PKDCC: variants seen among roughly 807,000 people sequenced by gnomAD.
PKDCC encodes the protein extracellular tyrosine-protein kinase PKDCC.
A neutral mutation model predicts 44.7 loss-of-function variants in PKDCC; 35 were observed. The ratio of observed to expected loss-of-function variants is 0.78; its 90% CI spans 0.60 to 1.04. PKDCC has a LOEUF of 1.04. PKDCC is among the 50% of genes least tolerant of loss of function. PKDCC has a pLI of 0.00. For missense variants in PKDCC, 738 were observed against 672.7 expected, an observed-to-expected ratio of 1.10 and a Z score of -1.07; for synonymous variants, 353 against 303.3, an observed-to-expected ratio of 1.16 and a Z score of -1.70.
chr2:42,054,422 A>G lies in PKDCC; in HGVS notation c.1034+115A>G, dbSNP rs1473411717. On this transcript the variant is annotated intron_variant, in intron 3 of 6. Coordinates refer to ENST00000294964, the MANE Select transcript of PKDCC (RefSeq NM_138370.3). This position sits in a 1 kb window ranked among gnomAD's most constrained non-coding sequence, Gnocchi z 6.1. The stretch of plus-strand genomic sequence containing the variant: ...GGCAGGGAGACTCAGCCTTGACCAG[A>G]GCAAGGGAAGGCTTCTACCCTGTCC... 2 of 1,267,798 alleles carry G rather than the reference A, an allele frequency of 1.6e-6. No homozygotes were observed. Among genetic ancestry groups the G allele is most frequent in the East Asian group, 5.1e-5 (2 of 39,360 alleles). The allele number at this position is 1,267,798 out of a possible 1,614,324, so 78.5% of individuals were successfully genotyped here.
At position 42,057,667 on chromosome 2, in the gene PKDCC, A is replaced by G; in HGVS notation, c.1461A>G (p.Thr487=). ...SQVVPDPNKT[T]YVKASG is the part of the protein sequence containing the mutation. The stretch of plus-strand genomic sequence containing the variant: ...TGGTCCCTGATCCCAACAAGACCAC[A>G]TATGTGAAGGCCTCTGGCTGACCTA... Residue 487 remains threonine, a synonymous_variant, in exon 7 of 7, where the codon ACA becomes ACG. Coordinates refer to ENST00000294964, the MANE Select transcript of PKDCC (RefSeq NM_138370.3). The G allele has an allele frequency of 6.2e-7, 1 of 1,614,002 alleles. No individual in the cohort carries two copies. Among genetic ancestry groups the G allele is most frequent in the Non-Finnish European group, 8.5e-7 (1 of 1,179,980 alleles).
In PKDCC at chr2:42,048,527, G is replaced by A. The variant is rs1667910733; in HGVS notation, c.328G>A (p.Asp110Asn). The A allele has an allele frequency of 4.1e-6, 5 of 1,216,106 alleles. No individual in the cohort carries two copies. The highest frequency in any genetic ancestry group is 4.1e-6 in the Non-Finnish European group (4 of 982,642). The allele number at this position is 1,216,106 out of a possible 1,614,324, so 75.3% of individuals were successfully genotyped here. Reference sequence around the variant, plus strand: ...GCCCCCTTGGGCCCGGCCCCTGTCCGACGGCGCCCCAGGCTGGCCCCCGGC... The same window carrying A: ...GCCCCCTTGGGCCCGGCCCCTGTCCAACGGCGCCCCAGGCTGGCCCCCGGC... ...PRPPWARPLS[D>N]GAPGWPPAPG... The change falls in exon 1 of 7, where the codon GAC becomes AAC. Residue 110 changes from aspartate to asparagine, a missense_variant. Coordinates refer to ENST00000294964, the MANE Select transcript of PKDCC (RefSeq NM_138370.3). The surrounding 1 kb of genome is among the most constrained non-coding windows in gnomAD (Gnocchi z 6.2).
In PKDCC at chr2:42,057,238, G is replaced by C. The variant is rs773853665; in HGVS notation, c.1240G>C (p.Asp414His). The change falls in exon 6 of 7, where the codon GAC becomes CAC. Residue 414 changes from aspartate to histidine, a missense_variant. Physicochemically the swap from Asp to His is moderately conservative, Grantham distance 81. Coordinates refer to ENST00000294964, the MANE Select transcript of PKDCC (RefSeq NM_138370.3). Reference sequence around the variant, plus strand: ...ACCCACAGAGTACCAGTGTATCCCAGACAGCACCATCCCCCAGGAAGACTA... The same window carrying C: ...ACCCACAGAGTACCAGTGTATCCCACACAGCACCATCCCCCAGGAAGACTA... Reference protein sequence around the residue: ...SSSTEYQCIPDSTIPQEDYRC... With the variant: ...SSSTEYQCIPHSTIPQEDYRC... The C allele has an allele frequency of 6.2e-7, 1 of 1,614,052 alleles. No individual in the cohort carries two copies. Among genetic ancestry groups the C allele is most frequent in the Non-Finnish European group, 8.5e-7 (1 of 1,180,018 alleles).
rs553931520 is a variant in PKDCC at position 42,052,497 on chromosome 2, C to T, written c.640-742C>T. Among the ~76,000 whole-genome samples the T allele has an allele frequency of 2.6e-5, 4 of 152,210 alleles. No individual in the cohort carries two copies. In the South Asian group the frequency reaches 8.3e-4, roughly 32 times the overall value. On this transcript the variant is annotated intron_variant, in intron 1 of 6. Transcript: ENST00000294964. The surrounding 1 kb of genome is among the most constrained non-coding windows in gnomAD (Gnocchi z 4.3). ...GGCGCAGTGGCTCACGCCTGTAATC[C>T]CAACATTTTGGGAGGCCAAGGTAGG...
intron 1 of PKDCC, 73 bp from the exon 2 acceptor site, chr2:42,053,166 A>G (rs1572761180): frequency 2.2e-5 from 27 of 1,249,878 alleles, no homozygotes; most frequent in South Asian, 4.2e-5. Flanking sequence ...GAGAGGGGGA[A>G]CCTGACAGTC....
In PKDCC at chr2:42,054,869, C is replaced by A. The variant is rs1668026924; in HGVS notation, c.1035-72C>A. ...TCCCTGGCCAGGTTAGCGTTCTGCCCCAGGTTGGAATAGAGGAAGGATGTG... is the reference window on the plus strand; with the variant it reads ...TCCCTGGCCAGGTTAGCGTTCTGCCACAGGTTGGAATAGAGGAAGGATGTG... On this transcript the variant is annotated intron_variant, in intron 3 of 6. Transcript: ENST00000294964. The surrounding 1 kb of genome is among the most constrained non-coding windows in gnomAD (Gnocchi z 6.1). 1.4e-6 allele frequency: 2 copies of A among 1,418,530 alleles called. No individual in the cohort carries two copies. The highest frequency in any genetic ancestry group is 1.7e-5 in the Admixed American group (1 of 59,680). 87.9% of individuals were successfully genotyped at this position (1,418,530 alleles called of 1,614,324 possible). A position where few individuals can be genotyped will look rare whatever the true frequency, so the allele number is the denominator to read the frequency against.
chr2:42,055,736 C>T lies in PKDCC; in HGVS notation c.1222+343C>T, dbSNP rs1668043471. 1 of 222,714 alleles carries T rather than the reference C, an allele frequency of 4.5e-6. No individual in the cohort carries two copies. The highest frequency in any genetic ancestry group is 8.8e-6 in the Non-Finnish European group (1 of 113,014). The allele number at this position is 222,714 out of a possible 1,614,324, so 13.8% of individuals were successfully genotyped here. A position where few individuals can be genotyped will look rare whatever the true frequency, so the allele number is the denominator to read the frequency against. On this transcript the variant is annotated intron_variant, in intron 5 of 6. Transcript: ENST00000294964. The surrounding 1 kb of genome is among the most constrained non-coding windows in gnomAD (Gnocchi z 4.5). Reference sequence around the variant, plus strand: ...ATCTGTGAATTGGGTTCACTATTACCCACCTCACCAAATTCTTATGGGAAT... The same window carrying T: ...ATCTGTGAATTGGGTTCACTATTACTCACCTCACCAAATTCTTATGGGAAT...
Position 42,048,844 on chromosome 2 carries a change from A to T in PKDCC, c.639+6A>T, listed in dbSNP as rs1414657667. On this transcript the variant is annotated splice_donor_region_variant and intron_variant, in intron 1 of 6. Coordinates refer to ENST00000294964, the MANE Select transcript of PKDCC (RefSeq NM_138370.3). This position sits in a 1 kb window ranked among gnomAD's most constrained non-coding sequence, Gnocchi z 6.2. ...GGCACCCCAACGTGCTGCAGGTACG[A>T]GGGTGGGGACGCGGGGGTAACGGTG... 1 of 1,456,710 alleles carries T rather than the reference A, an allele frequency of 6.9e-7. No homozygotes were observed. Among genetic ancestry groups the T allele is most frequent in the South Asian group, 1.4e-5 (1 of 70,494 alleles). 90.2% of individuals were successfully genotyped at this position (1,456,710 alleles called of 1,614,324 possible).
Position 42,048,280 on chromosome 2 carries a change from T to C in PKDCC, c.81T>C (p.Ala27=). ...LLGSVLNVLF[A]PGSEPPRPGQ... ...GCTCCGTCCTCAACGTGCTCTTCGC[T>C]CCGGGCTCGGAGCCTCCGAGGCCAG... Residue 27 remains alanine, a synonymous_variant, in exon 1 of 7, where the codon GCT becomes GCC. Coordinates refer to ENST00000294964, the MANE Select transcript of PKDCC (RefSeq NM_138370.3). This position sits in a 1 kb window ranked among gnomAD's most constrained non-coding sequence, Gnocchi z 6.2. The C allele has an allele frequency of 1.6e-6, 2 of 1,276,388 alleles. No individual in the cohort carries two copies. Among genetic ancestry groups the C allele is most frequent in the South Asian group, 3.8e-5 (2 of 51,988 alleles). 79.1% of individuals were successfully genotyped at this position (1,276,388 alleles called of 1,614,324 possible).
Position 42,052,720 on chromosome 2 carries a change from C to T in PKDCC, c.640-519C>T, listed in dbSNP as rs1213736798. 6.8e-6 allele frequency among the ~76,000 whole-genome samples: 1 copy of T among 146,280 alleles called. No homozygotes were observed. The highest frequency in any genetic ancestry group is 1.5e-5 in the Non-Finnish European group (1 of 66,890). ...TCATGCCACTGCACTCCAGCCTGGGCAACAGAGCGAGGCTGTCTCAAAAAA... is the reference window on the plus strand; with the variant it reads ...TCATGCCACTGCACTCCAGCCTGGGTAACAGAGCGAGGCTGTCTCAAAAAA... On this transcript the variant is annotated intron_variant, in intron 1 of 6. Coordinates refer to ENST00000294964, the MANE Select transcript of PKDCC (RefSeq NM_138370.3). This position sits in a 1 kb window ranked among gnomAD's most constrained non-coding sequence, Gnocchi z 4.3.
At chr2:42,050,721 C>T (rs1375732406) in intron 1 of PKDCC, among the ~76,000 whole-genome samples, 1 of 152,150 alleles carries the variant, frequency 6.6e-6, no homozygotes, top group Non-Finnish European at 1.5e-5. Context: ...GGCCCCAGGG[C>T]ACAAGGGTTG....
intron 5 of PKDCC, among the ~76,000 whole-genome samples, chr2:42,056,378 C>G (rs752883330): frequency 3.9e-5 from 6 of 152,204 alleles, no homozygotes; most frequent in Non-Finnish European, 5.9e-5. Context: ...CTCCAGCCCC[C>G]TCCCCACTCT....
In PKDCC at chr2:42,055,074, C is replaced by T. The variant is rs571572829; in HGVS notation, c.1114+54C>T. On this transcript the variant is annotated intron_variant, in intron 4 of 6. Coordinates refer to ENST00000294964, the MANE Select transcript of PKDCC (RefSeq NM_138370.3). This position sits in a 1 kb window ranked among gnomAD's most constrained non-coding sequence, Gnocchi z 4.5. ...AGGCACCTACCCCACCCCCACCCGC[C>T]AGCAAAAGTGGGGAGAAAAATAACC... The T allele has an allele frequency of 3.4e-5, 53 of 1,540,702 alleles. No homozygotes were observed. The Middle Eastern group carries it at 8.5e-4, about 25-fold the overall frequency.
rs1427913142 is a variant in PKDCC at position 42,054,703 on chromosome 2, C to T, written c.1035-238C>T. ...ATGTGGGGCTGGGAGGTGGGCAAGT[C>T]CTGGGAAGGGTTGGGAAGCAGGCCC... On this transcript the variant is annotated intron_variant, in intron 3 of 6. Transcript: ENST00000294964. The surrounding 1 kb of genome is among the most constrained non-coding windows in gnomAD (Gnocchi z 6.1). The T allele has an allele frequency of 1.7e-6, 1 of 582,494 alleles. No homozygotes were observed. The highest frequency in any genetic ancestry group is 3.1e-6 in the Non-Finnish European group (1 of 327,688). The allele number at this position is 582,494 out of a possible 1,614,324, so 36.1% of individuals were successfully genotyped here.
At position 42,052,424 on chromosome 2, in the gene PKDCC, G is replaced by A. The variant is rs192997145; in HGVS notation, c.640-815G>A. On this transcript the variant is annotated intron_variant, in intron 1 of 6. Transcript: ENST00000294964. This position sits in a 1 kb window ranked among gnomAD's most constrained non-coding sequence, Gnocchi z 4.3. Reference sequence around the variant, plus strand: ...AAGGATAATGTCCAACCGTATGCTCGCTTGTGTATTACCAAACAGCATTCT... The same window carrying A: ...AAGGATAATGTCCAACCGTATGCTCACTTGTGTATTACCAAACAGCATTCT... Among the ~76,000 whole-genome samples, 2 of 152,108 alleles carry A rather than the reference G, an allele frequency of 1.3e-5. No individual in the cohort carries two copies. The highest frequency in any genetic ancestry group is 2.4e-5 in the African/African-American group (1 of 41,396).
rs1341284540 is a variant in PKDCC at position 42,053,495 on chromosome 2, T to C, written c.762+134T>C. 7 of 1,262,458 alleles carry C rather than the reference T, an allele frequency of 5.5e-6. No individual in the cohort carries two copies. The East Asian group carries it at 1.2e-4, about 22-fold the overall frequency. The allele number at this position is 1,262,458 out of a possible 1,614,324, so 78.2% of individuals were successfully genotyped here. A position where few individuals can be genotyped will look rare whatever the true frequency, so the allele number is the denominator to read the frequency against. On this transcript the variant is annotated intron_variant, in intron 2 of 6. Transcript: ENST00000294964. ...AGGGGAGGAAGGCGCACAGGCTGAC[T>C]CAGCCACCGGCCAAAGGGTTCAAAA... is the stretch of plus-strand genomic sequence containing the variant.
At chr2:42,049,784 A>T (rs909233602) in intron 1 of PKDCC, among the ~76,000 whole-genome samples, 1 of 152,068 alleles carries the variant, frequency 6.6e-6, no homozygotes, top group Non-Finnish European at 1.5e-5. Flanking sequence ...GTCTCCCCCC[A>T]TCCTAAGATT....
Position 42,057,369 on chromosome 2 carries a change from G to T in PKDCC, c.1371G>T (p.Val457=), listed in dbSNP as rs142135371. 62 of 1,614,156 alleles carry T rather than the reference G, an allele frequency of 3.8e-5. 1 individual carries two copies. The Middle Eastern group carries it at 1.3e-3, about 34-fold the overall frequency. Residue 457 remains valine (V), a synonymous_variant, in exon 6 of 7, where the codon GTG becomes GTT. Coordinates refer to ENST00000294964, the MANE Select transcript of PKDCC (RefSeq NM_138370.3). The part of the protein sequence containing the change: ...CESHAQCRAF[V]VTNQTTWTGR... Reference sequence around the variant, plus strand: ...GCCATGCCCAGTGTCGGGCCTTTGTGGTCACCAACCAGACCACCTGGACAG... The same window carrying T: ...GCCATGCCCAGTGTCGGGCCTTTGTTGTCACCAACCAGACCACCTGGACAG...
At chr2:42,053,978 C>T in intron 2 of PKDCC, 58 bp from the exon 3 acceptor site, 1 of 1,565,638 alleles carries the variant, frequency 6.4e-7, no homozygotes, top group Non-Finnish European at 8.7e-7. Context: ...GCCCTCGAGT[C>T]CCACAGACCC....
Sources: allele counts gnomAD v4.1 joint callset (sites outside exome capture counted in the v4.1 genomes callset), GRCh38; gene constraint gnomAD v4.1.1; non-coding constraint Gnocchi (gnomAD v3.1); transcripts MANE v1.5; gene names NCBI Gene and HGNC (gene_info 2026-07-23, HGNC 2026-07-21).